The following HYDIN variants were observed in gnomAD, a reference collection of about 807,000 sequenced individuals.
The protein encoded by HYDIN is HYDIN axonemal central pair apparatus protein.
A neutral mutation model predicts 403.9 loss-of-function variants in HYDIN; 132 were observed. The ratio of observed to expected loss-of-function variants is 0.33; its 90% CI spans 0.28 to 0.38. The LOEUF is 0.38. Ranked by LOEUF, HYDIN falls within the 10% of genes least tolerant of loss-of-function variation. The pLI, the probability that HYDIN is intolerant of heterozygous loss-of-function variation, is 1.00. For synonymous variants in HYDIN, 1,202 were observed against 1,891.7 expected, an observed-to-expected ratio of 0.64 and a Z score of 9.46; for missense variants, 2,827 against 5,009.5, an observed-to-expected ratio of 0.56 and a Z score of 13.15.
chr16:70,865,218 ACT>A, intron 67 of HYDIN: 1 of 376,660 alleles, frequency 2.7e-6, no homozygotes. Context: ...CACTTCTTTC[ACT>A]CTCACTTTGT....
In HYDIN at chr16:71,211,498, C is replaced by T. The variant is rs548794422; in HGVS notation, c.-24+19064G>A. On this transcript the variant is annotated intron_variant, in intron 1 of 85. Coordinates refer to ENST00000393567, the MANE Select transcript of HYDIN (RefSeq NM_001270974.2). ...TACTAAAAATACAAAAAAAATTAGCCGGGCGTGGTGAGGGGCACCTGTAGT... is the reference window on the plus strand; with the variant it reads ...TACTAAAAATACAAAAAAAATTAGCTGGGCGTGGTGAGGGGCACCTGTAGT... Among the ~76,000 whole-genome samples, 8 of 151,958 alleles carry T rather than the reference C, an allele frequency of 5.3e-5. No individual in the cohort carries two copies. In the East Asian group the frequency reaches 5.8e-4, roughly 11 times the overall value.
intron 12 of HYDIN, among the ~76,000 whole-genome samples, chr16:71,084,511 C>G (rs1471848982): frequency 6.6e-6 from 1 of 151,366 alleles, no homozygotes; most frequent in Non-Finnish European, 1.5e-5. Flanking sequence ...CTCAGCCTCT[C>G]AAGTAGCTGG....
At chr16:71,049,285 C>A (rs1283338176) in intron 18 of HYDIN, among the ~76,000 whole-genome samples, 1 of 152,222 alleles carries the variant, frequency 6.6e-6, no homozygotes, top group Non-Finnish European at 1.5e-5. Context: ...TGAAAGAAGG[C>A]TGAACAAAGT....
Position 71,069,435 on chromosome 16 carries a change from A to C in HYDIN, c.1806T>G (p.Arg602=). The C allele has an allele frequency of 6.2e-7, 1 of 1,614,098 alleles. No individual in the cohort carries two copies. Among genetic ancestry groups the C allele is most frequent in the Non-Finnish European group, 8.5e-7 (1 of 1,179,966 alleles). Residue 602 remains arginine (R), a synonymous_variant, in exon 14 of 86, where the codon CGT becomes CGG. Coordinates refer to ENST00000393567, the MANE Select transcript of HYDIN (RefSeq NM_001270974.2). ...TATGGCCAAGGCCATCCCCAGGGAT[A>C]CGCAGTTTGTAAGTCATGGGGATCA... ...TSLIPMTYKL[R]IPGDGLGHKS...
chr16:70,852,789 C>T (rs2038742010), intron 73 of HYDIN: 2 of 152,174 alleles, frequency 1.3e-5, no homozygotes, highest in African/African-American at 4.8e-5. Flanking sequence ...AAAATAAGCA[C>T]ATGTAAAGAT....
Position 71,203,689 on chromosome 16 carries a change from T to C in HYDIN, c.-23-16771A>G, listed in dbSNP as rs1162930444. The C allele has an allele frequency of 1.1e-5, 5 of 455,206 alleles. No homozygotes were observed. In the East Asian group the frequency reaches 3.5e-4, roughly 32 times the overall value. 28.2% of individuals were successfully genotyped at this position (455,206 alleles called of 1,614,324 possible). On this transcript the variant is annotated intron_variant, in intron 1 of 85. Coordinates refer to ENST00000393567, the MANE Select transcript of HYDIN (RefSeq NM_001270974.2). The stretch of plus-strand genomic sequence containing the variant: ...ATTCCATACACAAATTATTCTATTC[T>C]TATGAATCTCACATTTGAATATGAC...
chr16:70,972,930 C>T (rs934280188), intron 35 of HYDIN, among the ~76,000 whole-genome samples: 5 of 152,280 alleles, frequency 3.3e-5, no homozygotes, highest in Admixed American at 6.5e-5. Flanking sequence ...AGTTTTAGTG[C>T]GAAGCTTATG....
At chr16:71,178,476 T>TAC (rs1210633842) in intron 4 of HYDIN, among the ~76,000 whole-genome samples, 1 of 145,818 alleles carries the variant, frequency 6.9e-6, no homozygotes, top group South Asian at 2.1e-4. Context: ...CACACACACA[T>TAC]ACATATATAT....
Position 70,882,777 on chromosome 16 carries a change from G to A in HYDIN, c.10098C>T (p.Asn3366=), listed in dbSNP as rs1342002836. 1 of 1,493,740 alleles carries A rather than the reference G, an allele frequency of 6.7e-7. No homozygotes were observed. Among genetic ancestry groups the A allele is most frequent in the Admixed American group, 1.7e-5 (1 of 59,840 alleles). 92.5% of individuals were successfully genotyped at this position (1,493,740 alleles called of 1,614,324 possible). The change falls in exon 60 of 86, where the codon AAC becomes AAT. Residue 3366 remains asparagine (N), a synonymous_variant. Transcript: ENST00000393567. ...ESGGLFVEDE[N]KFIFCNVLVG... is the part of the protein sequence containing the mutation. ...CCAGGACATTGCAGAAGATGAACTT[G>A]TTCTCATCCTCGACGAACAGCCCCC...
At chr16:71,218,718 T>C (rs1269270413) in intron 1 of HYDIN, among the ~76,000 whole-genome samples, 1 of 152,228 alleles carries the variant, frequency 6.6e-6, no homozygotes. Flanking sequence ...CTCATTCTGG[T>C]AGAGCTAAAG....
chr16:70,894,356 C>T (rs1774432), intron 55 of HYDIN, 93 bp downstream of exon 55: 10 of 1,568,722 alleles, frequency 6.4e-6, no homozygotes, highest in East Asian at 4.5e-5. Context: ...CAAACCCTAT[C>T]GGATTCAGGT....
At chr16:71,043,853 C>T (rs2081365623) in intron 18 of HYDIN, among the ~76,000 whole-genome samples, 1 of 149,222 alleles carries the variant, frequency 6.7e-6, no homozygotes. Context: ...CTTTGGGAGG[C>T]CAAGGTGGGA....
At chr16:70,852,842 C>T (rs1277208141) in intron 73 of HYDIN, 1 of 152,082 alleles carries the variant, frequency 6.6e-6, no homozygotes, top group Non-Finnish European at 1.5e-5. Flanking sequence ...ATTAAAACTA[C>T]AATGAGATAT....
chr16:70,841,311 A>C (rs901532255), intron 75 of HYDIN, among the ~76,000 whole-genome samples: 13 of 152,100 alleles, frequency 8.5e-5, no homozygotes, highest in Admixed American at 4.6e-4. Flanking sequence ...CAGAGTAGAA[A>C]GATCTTGTAA....
chr16:71,074,706 C>A (rs62040275), intron 13 of HYDIN, among the ~76,000 whole-genome samples: 89 of 80,192 alleles, frequency 1.1e-3, no homozygotes, highest in South Asian at 9.9e-3. Flanking sequence ...ACAAAAAACA[C>A]CAAAAAAAAA....
chr16:71,129,606 T>C lies in HYDIN; in HGVS notation c.1227+34A>G, dbSNP rs572449520. ...AGCAAGCCTGTGCTCCCACTTACAT[T>C]TCCTGTATGGTCAGCTTTTATTTAT... On this transcript the variant is annotated intron_variant, in intron 9 of 85. Transcript: ENST00000393567. The C allele has an allele frequency of 1.9e-6, 3 of 1,548,244 alleles. No homozygotes were observed. In the East Asian group the frequency reaches 6.7e-5, roughly 35 times the overall value.
intron 10 of HYDIN, among the ~76,000 whole-genome samples, chr16:71,103,019 G>C (rs895025099): frequency 2.0e-5 from 3 of 149,418 alleles, no homozygotes; most frequent in African/African-American, 7.5e-5. Context: ...TGTTATACAG[G>C]AATCTTTGAT....
chr16:70,995,626 A>G (rs2079507600), intron 23 of HYDIN, among the ~76,000 whole-genome samples: 1 of 152,074 alleles, frequency 6.6e-6, no homozygotes, highest in African/African-American at 2.4e-5. Flanking sequence ...ACAAGCTTGT[A>G]TTTCAGTTAA....
At chr16:71,070,050 CA>C (rs2082412424) in intron 13 of HYDIN, among the ~76,000 whole-genome samples, 1 of 151,986 alleles carries the variant, frequency 6.6e-6, no homozygotes, top group African/African-American at 2.4e-5. Context: ...GACACAGTAT[CA>C]AAAAATAGCC....
Sources: allele counts gnomAD v4.1 joint callset (sites outside exome capture counted in the v4.1 genomes callset), GRCh38; gene constraint gnomAD v4.1.1; transcripts MANE v1.5; gene names NCBI Gene and HGNC (gene_info 2026-07-23, HGNC 2026-07-21).